MRTFA: variants seen among roughly 807,000 people sequenced by gnomAD.
MRTFA encodes the protein myocardin-related transcription factor A.
Under a neutral mutation model 83.5 loss-of-function variants are expected in MRTFA, and 20 were observed. The ratio of observed to expected loss-of-function variants is 0.24; its 90% CI spans 0.17 to 0.35. MRTFA has a LOEUF of 0.35. Ranked by LOEUF, MRTFA falls within the 10% of genes least tolerant of loss-of-function variation. MRTFA has a pLI of 1.00. For synonymous variants in MRTFA, 659 were observed against 541.2 expected (o/e 1.22, Z -3.02); for missense variants, 1,200 against 1,224.7 (o/e 0.98, Z 0.30).
chr22:40,569,868 T>C (rs1602443140), intron 2 of MRTFA: 1 of 154,428 alleles, frequency 6.5e-6, no homozygotes, highest in Admixed American at 6.5e-5. Flanking sequence ...GGGATGACCA[T>C]GGGCAGAAGG....
intron 2 of MRTFA, among the ~76,000 whole-genome samples, chr22:40,583,910 C>T (rs2055986029): frequency 6.6e-6 from 1 of 152,184 alleles, no homozygotes; most frequent in South Asian, 2.1e-4. Context: ...GAGCAGTTCA[C>T]AGAAAGTGCA....
intron 3 of MRTFA, among the ~76,000 whole-genome samples, chr22:40,471,404 AAAAAAG>A (rs1204879166): frequency 3.9e-5 from 6 of 152,156 alleles, no homozygotes; most frequent in East Asian, 1.9e-4. Flanking sequence ...CTCCATCTCA[AAAAAAG>A]AAAAAGAAAA....
At chr22:40,576,548 C>T (rs1269996155) in intron 2 of MRTFA, among the ~76,000 whole-genome samples, 1 of 152,112 alleles carries the variant, frequency 6.6e-6, no homozygotes, top group East Asian at 1.9e-4. Flanking sequence ...TAAATCGTGG[C>T]ATAAGTCTGG....
chr22:40,459,862 T>TATATATATATATAC lies in MRTFA; in HGVS notation c.307+3358_307+3359insGTATATATATATAT, dbSNP rs796103400. On this transcript the variant is annotated intron_variant, in intron 4 of 14. Transcript: ENST00000355630. ...ATATATATATATATATATATATATA[T>TATATATATATATAC]ACACACATGAATGATACTTTCTCAA... Among the ~76,000 whole-genome samples the TATATATATATATAC allele has an allele frequency of 5.3e-4, 64 of 121,474 alleles. 1 individual carries two copies. Among genetic ancestry groups the TATATATATATATAC allele is most frequent in the South Asian group, 1.9e-3 (7 of 3,706 alleles). 79.7% of individuals were successfully genotyped at this position (121,474 alleles called of 152,430 possible).
At chr22:40,440,586 G>C (rs1173001704) in intron 4 of MRTFA, among the ~76,000 whole-genome samples, 3 of 152,200 alleles carry the variant, frequency 2.0e-5, no homozygotes, top group African/African-American at 7.2e-5. Flanking sequence ...AGGACTTCCT[G>C]CTGGGTGTCT....
chr22:40,544,679 T>C (rs776523331), intron 3 of MRTFA, among the ~76,000 whole-genome samples: 7 of 151,980 alleles, frequency 4.6e-5, no homozygotes, highest in Non-Finnish European at 1.0e-4. Flanking sequence ...ACCAATACAA[T>C]AGAAAGAGTA....
intron 4 of MRTFA, among the ~76,000 whole-genome samples, chr22:40,462,050 T>C (rs537938718): frequency 6.6e-6 from 1 of 152,362 alleles, no homozygotes; most frequent in Non-Finnish European, 1.5e-5. Flanking sequence ...TCTGATCCTT[T>C]AGATCTCAGC....
At chr22:40,412,796 C>T (rs2052587587) in intron 14 of MRTFA, 2 of 152,146 alleles carry the variant, frequency 1.3e-5, no homozygotes, top group Admixed American at 6.6e-5. Context: ...TGGCTGTACA[C>T]ATTATGAATG....
intron 3 of MRTFA, among the ~76,000 whole-genome samples, chr22:40,542,988 T>A (rs1373170742): frequency 1.3e-5 from 2 of 152,234 alleles, no homozygotes; most frequent in Non-Finnish European, 2.9e-5. Context: ...TGGTATCTAT[T>A]CTCCAGGGGC....
At chr22:40,531,936 C>T (rs2055088922) in intron 3 of MRTFA, among the ~76,000 whole-genome samples, 1 of 152,154 alleles carries the variant, frequency 6.6e-6, no homozygotes, top group Non-Finnish European at 1.5e-5. Context: ...TTTCTATATC[C>T]AGAGTCTCTC....
chr22:40,427,425 T>C (rs1336603312), intron 7 of MRTFA, among the ~76,000 whole-genome samples: 1 of 152,072 alleles, frequency 6.6e-6, no homozygotes, highest in East Asian at 1.9e-4. Context: ...CAGCATGCGT[T>C]GGGGGTCTGC....
Position 40,421,199 on chromosome 22 carries a change from C to T in MRTFA, c.928-99G>A, listed in dbSNP as rs189842730. ...CACACCTGTGTGGCTTCTGAGAAGA[C>T]ATCCCCATCCACACTTTGCCCATTT... On this transcript the variant is annotated intron_variant, in intron 9 of 14. Coordinates refer to ENST00000355630, the MANE Select transcript of MRTFA (RefSeq NM_020831.6). 73 of 1,350,106 alleles carry T rather than the reference C, an allele frequency of 5.4e-5. No individual in the cohort carries two copies. The African/African-American group carries it at 8.8e-4, about 16-fold the overall frequency. 83.6% of individuals were successfully genotyped at this position (1,350,106 alleles called of 1,614,324 possible).
chr22:40,535,693 C>A (rs1287944811), intron 3 of MRTFA, among the ~76,000 whole-genome samples: 1 of 152,050 alleles, frequency 6.6e-6, no homozygotes, highest in Non-Finnish European at 1.5e-5. Flanking sequence ...TGAGGGTTTT[C>A]AAATGAAACA....
In MRTFA at chr22:40,481,325, T is replaced by C. The variant is rs769024327; in HGVS notation, c.242-18039A>G. 8.5e-5 allele frequency among the ~76,000 whole-genome samples: 13 copies of C among 152,126 alleles called. 1 individual carries two copies. The highest frequency in any genetic ancestry group is 4.1e-4 in the South Asian group (2 of 4,832). On this transcript the variant is annotated intron_variant, in intron 3 of 14. Coordinates refer to ENST00000355630, the MANE Select transcript of MRTFA (RefSeq NM_020831.6). ...AGGTTCTTTTCGGGCACTAGGAAGA[T>C]TGTCAGTTGGCTCGTTCATTCATTT...
chr22:40,454,796 T>C (rs762215270), intron 4 of MRTFA, among the ~76,000 whole-genome samples: 1 of 152,294 alleles, frequency 6.6e-6, no homozygotes, highest in Non-Finnish European at 1.5e-5. Flanking sequence ...TATGTATATA[T>C]TTGTGTATTT....
At chr22:40,630,244 A>G (rs1438150428) in intron 1 of MRTFA, among the ~76,000 whole-genome samples, 1 of 152,056 alleles carries the variant, frequency 6.6e-6, no homozygotes, top group Non-Finnish European at 1.5e-5. Context: ...TGAACCTGGG[A>G]GGCGGCAGTT....
At chr22:40,470,257 A>ATATATATATATATATATATATATT (rs1569283443) in intron 3 of MRTFA, among the ~76,000 whole-genome samples, 7 of 111,726 alleles carry the variant, frequency 6.3e-5, no homozygotes, top group African/African-American at 2.9e-4. Context: ...ATATATATAT[A>ATATATATATATATATATATATATT]TATATATATA....
At chr22:40,468,402 T>C (rs536385766) in intron 3 of MRTFA, among the ~76,000 whole-genome samples, 3 of 152,022 alleles carry the variant, frequency 2.0e-5, no homozygotes, top group Admixed American at 2.0e-4. Context: ...TATGAGGAAG[T>C]AGAAAAGAAT....
At chr22:40,540,247 G>C (rs2055266322) in intron 3 of MRTFA, among the ~76,000 whole-genome samples, 1 of 152,084 alleles carries the variant, frequency 6.6e-6, no homozygotes, top group Admixed American at 6.5e-5. Flanking sequence ...TTTCACAGGT[G>C]GTAGTGTGTA....
Sources: gnomAD v4.1 joint callset for allele counts (sites outside exome capture counted in the v4.1 genomes callset) on GRCh38, gnomAD v4.1.1 for gene constraint, MANE v1.5 for transcripts, NCBI Gene and HGNC (gene_info 2026-07-23, HGNC 2026-07-21) for gene names.